The following ADAMTS9 variants were observed in gnomAD, a reference collection of about 807,000 sequenced individuals.
ADAMTS9 encodes the protein A disintegrin and metalloproteinase with thrombospondin motifs 9.
In ADAMTS9, 107 loss-of-function variants were observed where a neutral mutation model predicts 257.1. The ratio of observed to expected loss-of-function variants is 0.42; its 90% confidence interval spans 0.36 to 0.49. The LOEUF is 0.49. Ranked by LOEUF, ADAMTS9 falls within the 20% of genes least tolerant of loss-of-function variation. The probability of loss-of-function intolerance (pLI) is 0.03; values close to 1 mark genes in which losing one functional copy is unlikely to be tolerated. For synonymous variants in ADAMTS9, 982 were observed against 880.9 expected (o/e 1.11, Z -2.03); for missense variants, 2,353 against 2,469.1 (o/e 0.95, Z 1.00).
Position 64,533,282 on chromosome 3 carries a change from G to A in ADAMTS9, c.5614-12C>T, listed in dbSNP as rs761760101. 8.1e-6 allele frequency: 13 copies of A among 1,608,772 alleles called. No homozygotes were observed. Among genetic ancestry groups the A allele is most frequent in the Non-Finnish European group, 1.0e-5 (12 of 1,175,472 alleles). ...ATGCTAAAACGACCCTGGAAAACAC[G>A]ACCAACAAAAGAGATTTTCAGTCCA... On this transcript the variant is annotated splice_polypyrimidine_tract_variant and intron_variant, in intron 37 of 39. Coordinates refer to ENST00000498707, the MANE Select transcript of ADAMTS9 (RefSeq NM_182920.2).
intron 29 of ADAMTS9, among the ~76,000 whole-genome samples, chr3:64,564,182 G>A (rs1006202019): frequency 4.6e-5 from 7 of 152,134 alleles, no homozygotes; most frequent in East Asian, 1.9e-4. Flanking sequence ...CAGTCTATTC[G>A]TGCAGGTTTC....
At chr3:64,641,093 A>G (rs1700624686) in intron 12 of ADAMTS9, among the ~76,000 whole-genome samples, 1 of 152,196 alleles carries the variant, frequency 6.6e-6, no homozygotes, top group South Asian at 2.1e-4. Context: ...GGTGGGAAAA[A>G]AAGAAAAAAA....
At position 64,547,014 on chromosome 3, in the gene ADAMTS9, C is replaced by T. The variant is rs768995125; in HGVS notation, c.4870-62G>A. The T allele has an allele frequency of 4.9e-6, 7 of 1,423,948 alleles. No homozygotes were observed. In the Admixed American group the frequency reaches 7.6e-5, roughly 16 times the overall value. 88.2% of individuals were successfully genotyped at this position (1,423,948 alleles called of 1,614,324 possible). A position where few individuals can be genotyped will look rare whatever the true frequency, so the allele number is the denominator to read the frequency against. ...GTTCCTGGGGGCAGCCCACAATAGG[C>T]CCCTGACCTCCACACCAAGCGCTGA... On this transcript the variant is annotated intron_variant, in intron 31 of 39. Coordinates refer to ENST00000498707, the MANE Select transcript of ADAMTS9 (RefSeq NM_182920.2).
intron 3 of ADAMTS9, among the ~76,000 whole-genome samples, chr3:64,665,977 TG>T (rs1372802889): frequency 1.3e-5 from 2 of 152,198 alleles, no homozygotes; most frequent in Admixed American, 6.5e-5. Flanking sequence ...ATCGATTTTG[TG>T]CCAAGTACTG....
chr3:64,517,416 G>GTTTTTTTTTTTTTTTTTTTTTTTTTTTCT (rs755480110), intron 39 of ADAMTS9, among the ~76,000 whole-genome samples: 1 of 52,638 alleles, frequency 1.9e-5, no homozygotes, highest in Non-Finnish European at 3.8e-5. Flanking sequence ...ATTAAAAATG[G>GTTTTTTTTTTTTTTTTTTTTTTTTTTTCT]TTTTTTTTTT....
intron 28 of ADAMTS9, among the ~76,000 whole-genome samples, chr3:64,590,473 A>G (rs1576089338): frequency 6.6e-6 from 1 of 152,232 alleles, no homozygotes; most frequent in South Asian, 2.1e-4. Flanking sequence ...AATATGCTTT[A>G]TTATATAACA....
chr3:64,659,143 G>C (rs904733629), intron 3 of ADAMTS9, among the ~76,000 whole-genome samples: 2 of 152,184 alleles, frequency 1.3e-5, no homozygotes, highest in African/African-American at 4.8e-5. Context: ...GATATAGTAA[G>C]GGCCAGTAAC....
At chr3:64,551,267 T>C (rs892032361) in intron 30 of ADAMTS9, among the ~76,000 whole-genome samples, 11 of 152,188 alleles carry the variant, frequency 7.2e-5, no homozygotes, top group African/African-American at 2.7e-4. Flanking sequence ...TGGAGTGCAG[T>C]GGCACGATCT....
At chr3:64,655,278 AG>A (rs1258349989) in intron 6 of ADAMTS9, among the ~76,000 whole-genome samples, 1 of 152,210 alleles carries the variant, frequency 6.6e-6, no homozygotes, top group Admixed American at 6.5e-5. Flanking sequence ...TGGTATCTAT[AG>A]GTTCGTGGTT....
chr3:64,594,515 C>T, intron 27 of ADAMTS9, 81 bp from the exon 28 acceptor site: 1 of 1,541,102 alleles, frequency 6.5e-7, no homozygotes. Flanking sequence ...ATTTCTTAGC[C>T]AAACTCAATT....
intron 28 of ADAMTS9, chr3:64,587,345 A>G (rs1206376502): frequency 2.6e-5 from 4 of 152,196 alleles, no homozygotes; most frequent in Non-Finnish European, 4.4e-5. Flanking sequence ...ATTTTTATAA[A>G]TTTATTGATT....
At chr3:64,520,436 A>C (rs757868463) in intron 39 of ADAMTS9, among the ~76,000 whole-genome samples, 18 of 152,210 alleles carry the variant, frequency 1.2e-4, no homozygotes, top group Non-Finnish European at 1.9e-4. Flanking sequence ...TTAGAAGAAG[A>C]ACTATTCTAA....
intron 3 of ADAMTS9, among the ~76,000 whole-genome samples, chr3:64,666,546 C>T (rs1701357781): frequency 6.6e-6 from 1 of 152,178 alleles, no homozygotes; most frequent in South Asian, 2.1e-4. Flanking sequence ...GCCAGGCCAA[C>T]CCTGGTTTCC....
At chr3:64,678,906 A>G (rs745708408) in intron 3 of ADAMTS9, among the ~76,000 whole-genome samples, 2 of 152,200 alleles carry the variant, frequency 1.3e-5, no homozygotes, top group Non-Finnish European at 2.9e-5. Context: ...GAGCTGATCA[A>G]AACTGCTGGG....
At chr3:64,601,090 A>T (rs1399998026) in intron 26 of ADAMTS9, among the ~76,000 whole-genome samples, 1 of 152,142 alleles carries the variant, frequency 6.6e-6, no homozygotes, top group Non-Finnish European at 1.5e-5. Context: ...AAACTTCAAA[A>T]CATTCCAAAG....
chr3:64,579,468 G>T (rs2083938318), intron 28 of ADAMTS9, among the ~76,000 whole-genome samples: 1 of 152,002 alleles, frequency 6.6e-6, no homozygotes, highest in South Asian at 2.1e-4. Context: ...TATGGCAACT[G>T]CCGTCTTCTT....
rs890254873 is a variant in ADAMTS9 at position 64,555,578 on chromosome 3, TGCAGTTGTGTAA to T, written c.4699-4528_4699-4517del. Among the ~76,000 whole-genome samples, 4 of 136,692 alleles carry T rather than the reference TGCAGTTGTGTAA, an allele frequency of 2.9e-5. No homozygotes were observed. The Admixed American group carries it at 3.1e-4, about 11-fold the overall frequency. The allele number at this position is 136,692 out of a possible 152,430, so 89.7% of individuals were successfully genotyped here. A position where few individuals can be genotyped will look rare whatever the true frequency, so the allele number is the denominator to read the frequency against. ...GGGGTTTAACACCTAGGGCTACCTG[TGCAGTTGTGTAA>T]GCAGTTGTGTTTGTAACAGAGCATG... On this transcript the variant is annotated intron_variant, in intron 30 of 39. Transcript: ENST00000498707.
intron 28 of ADAMTS9, chr3:64,587,564 G>T (rs1349923688): frequency 6.6e-6 from 1 of 152,092 alleles, no homozygotes; most frequent in Non-Finnish European, 1.5e-5. Context: ...CAAAAATAGA[G>T]AACATTTACA....
intron 3 of ADAMTS9, among the ~76,000 whole-genome samples, chr3:64,678,899 C>G (rs984707112): frequency 6.6e-6 from 1 of 152,246 alleles, no homozygotes; most frequent in East Asian, 1.9e-4. Context: ...TTTGGAAGAG[C>G]TGATCAAAAC....
Sources: allele counts gnomAD v4.1 joint callset (sites outside exome capture counted in the v4.1 genomes callset), GRCh38; gene constraint gnomAD v4.1.1; transcripts MANE v1.5; gene names NCBI Gene and HGNC (gene_info 2026-07-23, HGNC 2026-07-21).